Variants in SF3B3 observed in about 807,000 individuals in gnomAD.
SF3B3 encodes splicing factor 3b subunit 3, also known as SAP 130.
SF3B3 carries 33 observed loss-of-function variants against 139.2 expected under a neutral mutation model. The ratio of observed to expected loss-of-function variants is 0.24; its 90% CI spans 0.18 to 0.32. The LOEUF (loss-of-function observed/expected upper bound fraction) is 0.32, where lower values mean the gene tolerates loss of function less well. SF3B3 is among the 10% of genes least tolerant of loss of function. SF3B3 has a pLI of 1.00. For missense variants in SF3B3, 818 were observed against 1,509.4 expected (o/e 0.54, Z 7.59); for synonymous variants, 596 against 563.6 (o/e 1.06, Z -0.81).
At chr16:70,550,854 G>A (rs2050318434) in intron 11 of SF3B3, among the ~76,000 whole-genome samples, 1 of 152,204 alleles carries the variant, frequency 6.6e-6, no homozygotes, top group African/African-American at 2.4e-5. Flanking sequence ...ATGGTCTGAG[G>A]CAGGAGTCTG....
At chr16:70,526,760 A>G (rs2151772770) in intron 2 of SF3B3, 34 bp downstream of exon 2, 4 of 1,427,600 alleles carry the variant, frequency 2.8e-6, no homozygotes, top group Non-Finnish European at 4.0e-6. Flanking sequence ...TTGAAATTTT[A>G]AGTGAATTAA....
intron 9 of SF3B3, among the ~76,000 whole-genome samples, chr16:70,543,266 C>T (rs1304129526): frequency 1.3e-5 from 2 of 151,688 alleles, no homozygotes; most frequent in Admixed American, 6.6e-5. Flanking sequence ...CAAAATTAGC[C>T]AGGCATGGTG....
At chr16:70,553,370 T>G (rs2050347041) in intron 11 of SF3B3, among the ~76,000 whole-genome samples, 1 of 152,190 alleles carries the variant, frequency 6.6e-6, no homozygotes, top group Non-Finnish European at 1.5e-5. Flanking sequence ...GGACCAGCCC[T>G]GTGGCATTGA....
Position 70,531,646 on chromosome 16 carries a change from T to C in SF3B3, c.570+729T>C, listed in dbSNP as rs148706193. On this transcript the variant is annotated intron_variant, in intron 4 of 25. Coordinates refer to ENST00000302516, the MANE Select transcript of SF3B3 (RefSeq NM_012426.5). ...TTCCAAATGCCTTACTGAAATTCTT[T>C]GGGATGCTTCAGAGGTTAAGCAACT... Among the ~76,000 whole-genome samples, 242 of 152,346 alleles carry C rather than the reference T, an allele frequency of 1.6e-3. 2 individuals carry two copies. The highest frequency in any genetic ancestry group is 0.014 in the Middle Eastern group (4 of 294).
rs769134127 is a variant in SF3B3, at chr16:70,571,662, C to G, written c.3514-11C>G. On this transcript the variant is annotated splice_polypyrimidine_tract_variant and intron_variant, in intron 25 of 25. Coordinates refer to ENST00000302516, the MANE Select transcript of SF3B3 (RefSeq NM_012426.5). ...ACCATTTTTTTTCTTTCTGCTTTCT[C>G]CATATCTTAGAATGTGATTGATGGA... 1.7e-5 allele frequency: 28 copies of G among 1,604,846 alleles called. 1 individual carries two copies. The South Asian group carries it at 3.1e-4, about 18-fold the overall frequency.
At chr16:70,544,675 G>GT in intron 10 of SF3B3, 142 bp downstream of exon 10, 1 of 604,856 alleles carries the variant, frequency 1.7e-6, no homozygotes, top group South Asian at 2.0e-5. Context: ...CTTCCCCGAA[G>GT]TTTATACTTC....
chr16:70,556,371 G>A (rs1321044527), intron 14 of SF3B3, 37 bp downstream of exon 14: 1 of 1,612,168 alleles, frequency 6.2e-7, no homozygotes, highest in South Asian at 1.1e-5. Context: ...TCATCTGGTT[G>A]GAACCTGAGC....
chr16:70,533,421 T>C (rs1383552416), intron 5 of SF3B3, among the ~76,000 whole-genome samples: 4 of 152,200 alleles, frequency 2.6e-5, no homozygotes, highest in Admixed American at 6.5e-5. Flanking sequence ...CTAGTATGAC[T>C]ACAGTATCAA....
chr16:70,560,693 C>T, intron 16 of SF3B3, 102 bp downstream of exon 16: 1 of 1,345,240 alleles, frequency 7.4e-7, no homozygotes, highest in East Asian at 2.5e-5. Flanking sequence ...ATTTGCCACT[C>T]CATCTTGATT....
intron 15 of SF3B3, among the ~76,000 whole-genome samples, chr16:70,558,463 CAT>C (rs973359326): frequency 3.3e-5 from 5 of 152,060 alleles, no homozygotes; most frequent in African/African-American, 7.2e-5. Flanking sequence ...ATCATTCTAA[CAT>C]GTAGTTAATA....
chr16:70,526,561 T>C, intron 1 of SF3B3, 26 bp from the exon 2 acceptor site: 1 of 792,814 alleles, frequency 1.3e-6, no homozygotes, highest in African/African-American at 1.7e-5. Flanking sequence ...GTCTCCCAGC[T>C]ATTTTTCTGT....
chr16:70,525,507 C>T (rs2050053125), intron 1 of SF3B3, among the ~76,000 whole-genome samples: 1 of 152,156 alleles, frequency 6.6e-6, no homozygotes, highest in Non-Finnish European at 1.5e-5. Context: ...CTGTTTTGAT[C>T]AGCTACAAAA....
chr16:70,560,638 G>C, intron 16 of SF3B3, 47 bp downstream of exon 16: 1 of 1,599,404 alleles, frequency 6.3e-7, no homozygotes, highest in Non-Finnish European at 8.5e-7. Context: ...GGATTTTAGT[G>C]GCACCATCTG....
chr16:70,574,613 G>C lies in SF3B3; in HGVS notation c.*2800G>C, dbSNP rs1228364853. 6.6e-6 allele frequency: 1 copy of C among 152,222 alleles called. No individual in the cohort carries two copies. The highest frequency in any genetic ancestry group is 2.4e-5 in the African/African-American group (1 of 41,444). 9.4% of individuals were successfully genotyped at this position (152,222 alleles called of 1,614,324 possible). A position where few individuals can be genotyped will look rare whatever the true frequency, so the allele number is the denominator to read the frequency against. On this transcript the variant is annotated 3_prime_UTR_variant, in exon 26 of 26. Coordinates refer to ENST00000302516, the MANE Select transcript of SF3B3 (RefSeq NM_012426.5). ...TCCTGAGCTCAAGCGATCCTCCTTA[G>C]CTTCCCAAATAGCTGGAACTACAGG...
At chr16:70,568,884 T>G (rs958052336) in intron 22 of SF3B3, among the ~76,000 whole-genome samples, 159 bp from the exon 23 acceptor site, 1 of 152,238 alleles carries the variant, frequency 6.6e-6, no homozygotes, top group African/African-American at 2.4e-5. Context: ...CAGACACAGC[T>G]CCTGCCCACC....
chr16:70,574,883 T>G lies in SF3B3; in HGVS notation c.*3070T>G, dbSNP rs1483231436. ...CATATGGAATATTGTATGTGAATAT[T>G]TTATTACACCCTTAAAATTAATTTT... On this transcript the variant is annotated 3_prime_UTR_variant, in exon 26 of 26. Transcript: ENST00000302516. 2.0e-5 allele frequency: 3 copies of G among 152,222 alleles called. No homozygotes were observed. The highest frequency in any genetic ancestry group is 4.4e-5 in the Non-Finnish European group (3 of 68,042). The allele number at this position is 152,222 out of a possible 1,614,324, so 9.4% of individuals were successfully genotyped here.
chr16:70,538,037 A>T (rs749152472), intron 6 of SF3B3: 2 of 602,994 alleles, frequency 3.3e-6, no homozygotes, highest in East Asian at 3.8e-5. Flanking sequence ...AAAAAATTTC[A>T]TGTCTCTTCT....
At chr16:70,568,731 A>C (rs1055211444) in intron 22 of SF3B3, among the ~76,000 whole-genome samples, 1 of 152,168 alleles carries the variant, frequency 6.6e-6, no homozygotes, top group Non-Finnish European at 1.5e-5. Context: ...TGATAGGTTT[A>C]GTTTGAGCTA....
At chr16:70,571,429 T>C (rs546397225) in intron 25 of SF3B3, among the ~76,000 whole-genome samples, 7 of 152,244 alleles carry the variant, frequency 4.6e-5, no homozygotes, top group African/African-American at 2.4e-5. Flanking sequence ...AATAAAAAGT[T>C]TTCCCGGTCT....
Sources: gnomAD v4.1 joint callset for allele counts (sites outside exome capture counted in the v4.1 genomes callset) on GRCh38, gnomAD v4.1.1 for gene constraint, MANE v1.5 for transcripts, NCBI Gene and HGNC (gene_info 2026-07-23, HGNC 2026-07-21) for gene names.